Variants in DPH6 observed in about 807,000 individuals in gnomAD.
DPH6 encodes diphthine--ammonia ligase.
Under a neutral mutation model 38.2 loss-of-function variants are expected in DPH6, and 33 were observed. The ratio of observed to expected loss-of-function variants is 0.86; its 90% CI spans 0.65 to 1.15. The LOEUF (loss-of-function observed/expected upper bound fraction) is 1.15. DPH6 is among the 50% of genes most tolerant of loss of function. The pLI, the probability that DPH6 is intolerant of heterozygous loss-of-function variation, is 0.00. For synonymous variants in DPH6, 108 were observed against 103.0 expected (o/e 1.05, Z -0.30); for missense variants, 325 against 320.0 (o/e 1.02, Z -0.12).
At chr15:35,521,845 G>T in intron 3 of DPH6, 1 of 1,322,534 alleles carries the variant, frequency 7.6e-7, no homozygotes, top group Non-Finnish European at 9.6e-7. Flanking sequence ...AGTATAAAAA[G>T]CAAAGTGATT....
chr15:35,282,976 C>A, intron 3 of DPH6: 1 of 281,696 alleles, frequency 3.5e-6, no homozygotes, highest in Admixed American at 3.9e-5. Flanking sequence ...ACATCTTGAG[C>A]TGATCTCCTG....
chr15:35,311,350 A>G (rs1346406634), intron 3 of DPH6, among the ~76,000 whole-genome samples: 3 of 152,150 alleles, frequency 2.0e-5, no homozygotes, highest in Non-Finnish European at 2.9e-5. Flanking sequence ...TTTCCTCTAC[A>G]TCTCCACAAG....
At chr15:35,238,232 C>T (rs1178443830) in intron 3 of DPH6, 5 of 5,226 alleles carry the variant, frequency 9.6e-4, no homozygotes, top group African/African-American at 2.5e-3. Flanking sequence ...AGAGGGAGGG[C>T]GGGTGGGGGT....
chr15:35,462,385 G>A (rs2054076687), intron 3 of DPH6, among the ~76,000 whole-genome samples: 2 of 151,922 alleles, frequency 1.3e-5, no homozygotes, highest in Admixed American at 6.6e-5. Context: ...CTTGCAGATA[G>A]CCTTAAAGGT....
chr15:35,182,163 T>G, the DPH6 span, among the ~76,000 whole-genome samples: 1 of 149,386 alleles, frequency 6.7e-6, no homozygotes, highest in African/African-American at 2.5e-5. Flanking sequence ...CAGTTTTACA[T>G]GTATAAGTAT....
chr15:35,288,336 G>A (rs2051957234), intron 3 of DPH6, among the ~76,000 whole-genome samples: 1 of 152,002 alleles, frequency 6.6e-6, no homozygotes, highest in Non-Finnish European at 1.5e-5. Flanking sequence ...TTACTTTTAG[G>A]GAAGATTTTA....
At chr15:35,265,976 A>G (rs1411335326) in intron 3 of DPH6, among the ~76,000 whole-genome samples, 3 of 152,160 alleles carry the variant, frequency 2.0e-5, no homozygotes, top group Non-Finnish European at 4.4e-5. Flanking sequence ...TAACTGGTTG[A>G]ATCTGAATAC....
At chr15:35,433,989 T>C (rs1169113552) in intron 5 of DPH6, among the ~76,000 whole-genome samples, 3 of 152,226 alleles carry the variant, frequency 2.0e-5, no homozygotes, top group African/African-American at 7.2e-5. Context: ...CCAAATGTAC[T>C]GTACAAGGCT....
At chr15:35,410,147 A>G (rs1241923985) in intron 6 of DPH6, among the ~76,000 whole-genome samples, 1 of 151,856 alleles carries the variant, frequency 6.6e-6, no homozygotes, top group Non-Finnish European at 1.5e-5. Context: ...ATGACTTGTT[A>G]AAAGAGATAG....
At chr15:35,163,515 A>T in the DPH6 span, among the ~76,000 whole-genome samples, 1 of 151,948 alleles carries the variant, frequency 6.6e-6, no homozygotes, top group African/African-American at 2.4e-5. Flanking sequence ...GTACTAATGC[A>T]AATAGAATAA....
chr15:35,218,095 G>A (rs2051420735), exon 4 of DPH6: 1 of 152,036 alleles, frequency 6.6e-6, no homozygotes, highest in African/African-American at 2.4e-5. Flanking sequence ...ATCCACAGAT[G>A]CAGAACCCAC....
intron 3 of DPH6, among the ~76,000 whole-genome samples, chr15:35,514,858 A>G (rs919729962): frequency 6.6e-6 from 1 of 152,226 alleles, no homozygotes; most frequent in Non-Finnish European, 1.5e-5. Flanking sequence ...TCAAAAAGAC[A>G]GCATTTTTTG....
chr15:35,511,962 G>A (rs1316374065), intron 3 of DPH6, among the ~76,000 whole-genome samples: 2 of 151,994 alleles, frequency 1.3e-5, no homozygotes, highest in Non-Finnish European at 2.9e-5. Context: ...TAGCACTATA[G>A]TTTTGTTTTG....
chr15:35,387,362 T>C (rs1472058522), intron 6 of DPH6, among the ~76,000 whole-genome samples: 1 of 152,236 alleles, frequency 6.6e-6, no homozygotes, highest in East Asian at 1.9e-4. Context: ...AAAGTAGTTT[T>C]TTCCAATTCT....
the DPH6 span, among the ~76,000 whole-genome samples, chr15:35,182,313 CAG>C: frequency 5.3e-5 from 7 of 133,164 alleles, no homozygotes; most frequent in Non-Finnish European, 1.5e-5. Context: ...GCTTTCTTTG[CAG>C]AGTGTTTCAG....
intron 3 of DPH6, among the ~76,000 whole-genome samples, chr15:35,271,460 A>T (rs1333019393): frequency 2.6e-5 from 4 of 152,260 alleles, no homozygotes; most frequent in African/African-American, 9.6e-5. Flanking sequence ...AAAGGAAAGC[A>T]TCTGAATCGA....
intron 3 of DPH6, among the ~76,000 whole-genome samples, chr15:35,222,063 T>C (rs1406114860): frequency 1.3e-5 from 2 of 152,210 alleles, no homozygotes; most frequent in African/African-American, 4.8e-5. Context: ...TTCTCATTTC[T>C]GAGAGTTCAT....
At chr15:35,185,724 C>CTTTTTTTTTTTTTTTTTTTTT in the DPH6 span, among the ~76,000 whole-genome samples, 2 of 83,018 alleles carry the variant, frequency 2.4e-5, no homozygotes, top group Non-Finnish European at 2.5e-5. Context: ...CCAATCCACT[C>CTTTTTTTTTTTTTTTTTTTTT]TTTTTTTTTT....
rs776828246 is a variant in DPH6 at position 35,372,139 on chromosome 15, C to CA, written c.*10dup. Reference sequence around the variant, plus strand: ...AATGGTGGTTTAATGAACAATGTTCCAAAACACTTTTCAAAAATTATATAT... The same window carrying CA: ...AATGGTGGTTTAATGAACAATGTTCCAAAAACACTTTTCAAAAATTATATAT... On this transcript the variant is annotated 3_prime_UTR_variant, in exon 9 of 9. Coordinates refer to ENST00000256538, the MANE Select transcript of DPH6 (RefSeq NM_080650.4). 1.5e-4 allele frequency: 223 copies of CA among 1,512,972 alleles called. No individual in the cohort carries two copies. The highest frequency in any genetic ancestry group is 1.9e-4 in the Non-Finnish European group (216 of 1,132,306). 93.7% of individuals were successfully genotyped at this position (1,512,972 alleles called of 1,614,324 possible). A position where few individuals can be genotyped will look rare whatever the true frequency, so the allele number is the denominator to read the frequency against.
Sources: gnomAD v4.1 joint callset for allele counts (sites outside exome capture counted in the v4.1 genomes callset) on GRCh38, gnomAD v4.1.1 for gene constraint, MANE v1.5 for transcripts, NCBI Gene and HGNC (gene_info 2026-07-23, HGNC 2026-07-21) for gene names.